MYO1B: variants seen among roughly 807,000 people sequenced by gnomAD.
The protein encoded by MYO1B is unconventional myosin-Ib.
A neutral mutation model predicts 159.7 loss-of-function variants in MYO1B; 72 were observed. The observed-to-expected ratio is 0.45, with a 90% CI of 0.37 to 0.55. The LOEUF (loss-of-function observed/expected upper bound fraction) is 0.55. Among genes scored for constraint, MYO1B ranks in the 20% least tolerant of loss-of-function variants. The pLI is 0.00. For synonymous variants in MYO1B, 468 were observed against 473.8 expected (o/e 0.99, Z 0.16); for missense variants, 1,062 against 1,364.8 (o/e 0.78, Z 3.50).
intron 1 of MYO1B, among the ~76,000 whole-genome samples, chr2:191,258,090 G>T (rs1686567161): frequency 6.6e-6 from 1 of 152,202 alleles, no homozygotes; most frequent in African/African-American, 2.4e-5. Flanking sequence ...TATACATTCT[G>T]TGAAGTGTGT....
At chr2:191,360,915 G>A (rs1693629442) in intron 8 of MYO1B, among the ~76,000 whole-genome samples, 186 bp downstream of exon 8, 1 of 152,086 alleles carries the variant, frequency 6.6e-6, no homozygotes, top group South Asian at 2.1e-4. Flanking sequence ...TTGTTTCTAT[G>A]TTTTAATTTT....
chr2:191,255,656 C>T (rs1418828895), intron 1 of MYO1B, among the ~76,000 whole-genome samples: 2 of 152,184 alleles, frequency 1.3e-5, no homozygotes, highest in Non-Finnish European at 2.9e-5. Flanking sequence ...GTTTTACACA[C>T]TATTATGACA....
At chr2:191,331,729 G>T (rs1433491541) in intron 4 of MYO1B, among the ~76,000 whole-genome samples, 1 of 152,112 alleles carries the variant, frequency 6.6e-6, no homozygotes, top group Admixed American at 6.5e-5. Flanking sequence ...TCTTTACATA[G>T]ACATATATGC....
At chr2:191,272,945 C>G (rs765956889) in intron 1 of MYO1B, among the ~76,000 whole-genome samples, 3 of 152,100 alleles carry the variant, frequency 2.0e-5, no homozygotes, top group Admixed American at 6.5e-5. Context: ...AGGTAAAATG[C>G]TTTTTGTTGC....
chr2:191,415,602 T>C (rs1354690810), intron 29 of MYO1B, among the ~76,000 whole-genome samples: 1 of 149,470 alleles, frequency 6.7e-6, no homozygotes, highest in Non-Finnish European at 1.5e-5. Context: ...TTGTTTTGTT[T>C]TGTTTTTTTT....
intron 2 of MYO1B, among the ~76,000 whole-genome samples, chr2:191,295,000 C>G (rs1037842717): frequency 1.3e-5 from 2 of 152,132 alleles, no homozygotes; most frequent in African/African-American, 4.8e-5. Context: ...ACTTGTTGCT[C>G]TAAAAATGGT....
chr2:191,425,020 T>G lies in MYO1B; in HGVS notation c.*1060T>G, dbSNP rs374941331. 9.8e-5 allele frequency: 15 copies of G among 152,506 alleles called. No individual in the cohort carries two copies. The highest frequency in any genetic ancestry group is 2.9e-4 in the African/African-American group (12 of 41,518). 9.4% of individuals were successfully genotyped at this position (152,506 alleles called of 1,614,324 possible). The stretch of plus-strand genomic sequence containing the variant: ...AAAATTTGTGTAACTTGCAGGGCTT[T>G]CTTTCTTTTTCTTCAAATTTACAAG... On this transcript the variant is annotated 3_prime_UTR_variant, in exon 31 of 31. Coordinates refer to ENST00000392318, the MANE Select transcript of MYO1B (RefSeq NM_001130158.3).
intron 3 of MYO1B, 146 bp downstream of exon 3, chr2:191,296,372 T>C: frequency 3.3e-6 from 1 of 305,578 alleles, no homozygotes; most frequent in Non-Finnish European, 5.8e-6. Flanking sequence ...AAGACTTTAA[T>C]TGTTATTATT....
intron 1 of MYO1B, among the ~76,000 whole-genome samples, chr2:191,255,526 T>C (rs557908732): frequency 2.0e-5 from 3 of 152,218 alleles, no homozygotes; most frequent in Admixed American, 2.0e-4. Context: ...AAAAAGAGGC[T>C]CAGAAGCCCC....
At chr2:191,413,495 GTTAATA>G (rs1332273574) in intron 27 of MYO1B, among the ~76,000 whole-genome samples, 1 of 152,178 alleles carries the variant, frequency 6.6e-6, no homozygotes, top group Non-Finnish European at 1.5e-5. Context: ...ACAGTTACAT[GTTAATA>G]TTAAGTGTTC....
chr2:191,392,806 G>A (rs191812374), intron 19 of MYO1B, among the ~76,000 whole-genome samples: 133 of 152,250 alleles, frequency 8.7e-4, no homozygotes, highest in South Asian at 7.5e-3. Flanking sequence ...CAGTGTGAAG[G>A]TAAACTTAAG....
intron 8 of MYO1B, among the ~76,000 whole-genome samples, chr2:191,361,036 G>A (rs758717402): frequency 2.0e-5 from 3 of 152,122 alleles, no homozygotes; most frequent in South Asian, 4.1e-4. Flanking sequence ...AGAACATGGT[G>A]TATTTGCTTC....
intron 3 of MYO1B, among the ~76,000 whole-genome samples, chr2:191,302,155 A>G (rs1244885429): frequency 1.3e-5 from 2 of 152,222 alleles, no homozygotes; most frequent in Non-Finnish European, 2.9e-5. Flanking sequence ...GGTCAGCCCC[A>G]GCATAATCCA....
chr2:191,352,179 A>G (rs558637409), intron 7 of MYO1B, among the ~76,000 whole-genome samples: 2 of 152,334 alleles, frequency 1.3e-5, no homozygotes, highest in African/African-American at 4.8e-5. Flanking sequence ...TTTACAATAT[A>G]TGGCAGCTGA....
chr2:191,310,046 G>GT (rs577519793), intron 3 of MYO1B, among the ~76,000 whole-genome samples: 2 of 152,204 alleles, frequency 1.3e-5, no homozygotes, highest in African/African-American at 4.8e-5. Flanking sequence ...AGAAGACATG[G>GT]TTTTGTCTTT....
At chr2:191,284,727 G>C (rs1291886026) in intron 2 of MYO1B, among the ~76,000 whole-genome samples, 1 of 152,056 alleles carries the variant, frequency 6.6e-6, no homozygotes, top group African/African-American at 2.4e-5. Context: ...CTGCCTCCTG[G>C]GTTCAAACGG....
At chr2:191,400,352 TTC>T in intron 21 of MYO1B, 28 bp from the exon 22 acceptor site, 1 of 1,609,610 alleles carries the variant, frequency 6.2e-7, no homozygotes, top group Non-Finnish European at 8.5e-7. Context: ...TTTTTAAACA[TTC>T]TCTCTTTTGG....
chr2:191,313,779 A>G (rs1389159054), intron 3 of MYO1B, among the ~76,000 whole-genome samples: 2 of 152,128 alleles, frequency 1.3e-5, no homozygotes, highest in Non-Finnish European at 2.9e-5. Flanking sequence ...TCAGCCTCCC[A>G]AAGTGCTGAG....
rs1249864716 is a variant in MYO1B, at chr2:191,387,647, G to C, written c.1781+197G>C. On this transcript the variant is annotated intron_variant, in intron 17 of 30. Transcript: ENST00000392318. Reference sequence around the variant, plus strand: ...TCCCCTAAAATAAGAAAGTAAAAAAGTAAAGTGTGGTGGAGAAGATAGTAG... The same window carrying C: ...TCCCCTAAAATAAGAAAGTAAAAAACTAAAGTGTGGTGGAGAAGATAGTAG... The C allele has an allele frequency of 4.9e-6, 3 of 608,844 alleles. No individual in the cohort carries two copies. The African/African-American group carries it at 5.5e-5, about 11-fold the overall frequency. The allele number at this position is 608,844 out of a possible 1,614,324, so 37.7% of individuals were successfully genotyped here.
Sources: gnomAD v4.1 joint callset for allele counts (sites outside exome capture counted in the v4.1 genomes callset) on GRCh38, gnomAD v4.1.1 for gene constraint, MANE v1.5 for transcripts, NCBI Gene and HGNC (gene_info 2026-07-23, HGNC 2026-07-21) for gene names.